IDS: variants seen among roughly 807,000 people sequenced by gnomAD.
IDS encodes alpha-L-iduronate sulfate sulfatase.
In IDS, 1 loss-of-function variant was observed where a neutral mutation model predicts 33.5. The observed-to-expected ratio is 0.03, with a 90% CI of 0.01 to 0.14. The LOEUF is 0.14. Ranked by LOEUF, IDS falls within the 10% of genes least tolerant of loss-of-function variation. The pLI, the probability that IDS is intolerant of heterozygous loss-of-function variation, is 1.00. For synonymous variants in IDS, 191 were observed against 184.4 expected (o/e 1.04, Z -0.29); for missense variants, 328 against 448.0 (o/e 0.73, Z 2.42).
chrX:149,498,021 AGCC>A (rs2089449396), intron 5 of IDS, 83 bp downstream of exon 5: 2 of 840,620 alleles, frequency 2.4e-6, no homozygotes, highest in Non-Finnish European at 3.5e-6. Context: ...GGCAGGATGT[AGCC>A]ACCTTCCCTG....
intron 6 of IDS, among the ~76,000 whole-genome samples, chrX:149,492,586 A>G (rs1430078165): frequency 1.8e-5 from 2 of 110,109 alleles, no homozygotes; most frequent in Non-Finnish European, 3.8e-5. Flanking sequence ...GGGAGTGGAG[A>G]CTCCAAGTTC....
chrX:149,504,966 GA>G, intron 1 of IDS, 68 bp downstream of exon 1: 1 of 800,726 alleles, frequency 1.2e-6, no homozygotes, highest in South Asian at 2.2e-5. Context: ...AAGAAGGAAG[GA>G]AAGAAGGAAG....
At chrX:149,484,407 C>T (rs782020310) in intron 8 of IDS, among the ~76,000 whole-genome samples, 17 of 112,519 alleles carry the variant, frequency 1.5e-4, no homozygotes, top group African/African-American at 4.2e-4. Context: ...CTGCAACCTC[C>T]GTCTCCCAGG....
intron 6 of IDS, among the ~76,000 whole-genome samples, chrX:149,493,478 C>G (rs147452230): frequency 0.013 from 1,483 of 111,838 alleles, 32 homozygotes; most frequent in African/African-American, 0.045. Context: ...CCAGTGTGCA[C>G]TCGCTCTGCC....
chrX:149,497,509 C>T (rs994190783), intron 5 of IDS, among the ~76,000 whole-genome samples: 9 of 112,386 alleles, frequency 8.0e-5, no homozygotes, highest in African/African-American at 2.9e-4. Flanking sequence ...TCTCTACTCT[C>T]ATTACATGTG....
At chrX:149,483,782 T>C (rs973267410) in intron 8 of IDS, among the ~76,000 whole-genome samples, 1 of 112,262 alleles carries the variant, frequency 8.9e-6, no homozygotes, top group Non-Finnish European at 1.9e-5. Flanking sequence ...CAACTGAAAC[T>C]CTGTCCCCAT....
intron 5 of IDS, among the ~76,000 whole-genome samples, chrX:149,496,898 T>G (rs943097816): frequency 8.9e-5 from 10 of 112,134 alleles, no homozygotes; most frequent in Non-Finnish European, 1.9e-5. Context: ...ATTCAGCATT[T>G]AGTCTCACTC....
At position 149,478,371 on chromosome X, in the gene IDS, TG is replaced by T. The variant is rs2089277424; in HGVS notation, c.*4374del. On this transcript the variant is annotated 3_prime_UTR_variant, in exon 9 of 9. Coordinates refer to ENST00000340855, the MANE Select transcript of IDS (RefSeq NM_000202.8). Reference sequence around the variant, plus strand: ...AGGTAGAAATGACCCAAGTGGTCACTGGTGGATGAATGGATAAGCGGAACGT... The same window carrying T: ...AGGTAGAAATGACCCAAGTGGTCACTGTGGATGAATGGATAAGCGGAACGT... 1 of 112,088 alleles carries T rather than the reference TG, an allele frequency of 8.9e-6. No homozygotes were observed. The highest frequency in any genetic ancestry group is 9.4e-5 in the Admixed American group (1 of 10,669). 9.2% of individuals were successfully genotyped at this position (112,088 alleles called of 1,213,427 possible).
chrX:149,488,645 G>A (rs2089361979), intron 7 of IDS, among the ~76,000 whole-genome samples: 1 of 108,989 alleles, frequency 9.2e-6, no homozygotes, highest in Non-Finnish European at 1.9e-5. Context: ...TCTGACACAT[G>A]GCAAATGCTA....
chrX:149,496,363 T>C lies in IDS; in HGVS notation c.862A>G (p.Ile288Val). The C allele has an allele frequency of 8.3e-7, 1 of 1,210,938 alleles. No homozygotes were observed. The highest frequency in any genetic ancestry group is 1.8e-5 in the South Asian group (1 of 56,945). The change falls in exon 6 of 9, where the codon ATT becomes GTT. Residue 288 changes from isoleucine to valine, a missense_variant. Transcript: ENST00000340855. ...CTTGATACCTGAAAGTCCACAGGAA[T>C]TGGACCATACGGCACACTGATGTTT... is the stretch of plus-strand genomic sequence containing the variant. ...ALNISVPYGP[I>V]PVDFQRKIRQ...
rs1557338716 is a variant in IDS at position 149,491,498 on chromosome X, T to C, written c.880-1058A>G. On this transcript the variant is annotated intron_variant, in intron 6 of 8. Transcript: ENST00000340855. ...CTTATCAGCTGGACCCACCAGCTTCTTCTCATCACTGCCAGGGTGAGGACA... is the reference window on the plus strand; with the variant it reads ...CTTATCAGCTGGACCCACCAGCTTCCTCTCATCACTGCCAGGGTGAGGACA... 3.2e-6 allele frequency: 3 copies of C among 930,997 alleles called. No homozygotes were observed. The African/African-American group carries it at 6.1e-5, about 19-fold the overall frequency. 76.7% of individuals were successfully genotyped at this position (930,997 alleles called of 1,213,427 possible). A position where few individuals can be genotyped will look rare whatever the true frequency, so the allele number is the denominator to read the frequency against.
chrX:149,479,579 A>T lies in IDS; in HGVS notation c.*3167T>A, dbSNP rs1176802656. The stretch of plus-strand genomic sequence containing the variant: ...ATCACAGCATTATTTACAATACTGA[A>T]AATCTGGAAATAGCCTAAATTTCTA... On this transcript the variant is annotated 3_prime_UTR_variant, in exon 9 of 9. Transcript: ENST00000340855. 2 of 112,225 alleles carry T rather than the reference A, an allele frequency of 1.8e-5. No individual in the cohort carries two copies. The highest frequency in any genetic ancestry group is 3.8e-5 in the Non-Finnish European group (2 of 53,270). 9.2% of individuals were successfully genotyped at this position (112,225 alleles called of 1,213,427 possible).
In IDS at chrX:149,483,155, C is replaced by T; in HGVS notation, c.1244G>A (p.Gly415Glu). The T allele has an allele frequency of 8.3e-7, 1 of 1,211,235 alleles. No individual in the cohort carries two copies. Among genetic ancestry groups the T allele is most frequent in the Non-Finnish European group, 1.1e-6 (1 of 895,327 alleles). ...SLFPTLAGLAGLQVPPRCPVP... is the reference protein window; with the variant it reads ...SLFPTLAGLAELQVPPRCPVP... ...GGGGCAGCGAGGTGGAACCTGCAGT[C>T]CTGCAAGTCCAGCCAGCGTGGGAAA... Residue 415 changes from glycine to glutamate, a missense_variant, in exon 9 of 9, where the codon GGA (glycine) becomes GAA (glutamate). This residue lies in a region of IDS where 265 missense variants were observed against 339.2 expected (regional missense o/e 0.78). Coordinates refer to ENST00000340855, the MANE Select transcript of IDS (RefSeq NM_000202.8).
At position 149,496,415 on chromosome X, in the gene IDS, G is replaced by A. The variant is rs2089436763; in HGVS notation, c.810C>T (p.Ile270=). The change falls in exon 6 of 9, where the codon ATC becomes ATT. Residue 270 remains isoleucine, a synonymous_variant. Coordinates refer to ENST00000340855, the MANE Select transcript of IDS (RefSeq NM_000202.8). The part of the protein sequence containing the change: ...PPVAYNPWMD[I]RQREDVQALN... ...AGGCTTGGACGTCTTCCCGTTGCCT[G>A]ATGTCCATCCAGGGGTTGTAGGCCA... 1.7e-6 allele frequency: 2 copies of A among 1,209,161 alleles called. No individual in the cohort carries two copies. Among genetic ancestry groups the A allele is most frequent in the Non-Finnish European group, 2.2e-6 (2 of 894,354 alleles).
In IDS at chrX:149,479,901, G is replaced by A. The variant is rs782212399; in HGVS notation, c.*2845C>T. 16 of 188,492 alleles carry A rather than the reference G, an allele frequency of 8.5e-5. No individual in the cohort carries two copies. The highest frequency in any genetic ancestry group is 6.1e-4 in the South Asian group (2 of 3,284). The allele number at this position is 188,492 out of a possible 1,213,427, so 15.5% of individuals were successfully genotyped here. The stretch of plus-strand genomic sequence containing the variant: ...AAAAAATACCTTTTTAAAGTAAAGC[G>A]AACACAAGATTCTTTAGCAATGTTC... On this transcript the variant is annotated 3_prime_UTR_variant, in exon 9 of 9. Coordinates refer to ENST00000340855, the MANE Select transcript of IDS (RefSeq NM_000202.8).
intron 8 of IDS, among the ~76,000 whole-genome samples, chrX:149,485,665 G>A (rs1255107154): frequency 9.0e-6 from 1 of 111,721 alleles, no homozygotes; most frequent in Non-Finnish European, 1.9e-5. Flanking sequence ...GATAAAATTT[G>A]GAAATAAACT....
chrX:149,493,392 T>C (rs782716217), intron 6 of IDS, among the ~76,000 whole-genome samples: 17 of 111,806 alleles, frequency 1.5e-4, no homozygotes, highest in Non-Finnish European at 2.8e-4. Flanking sequence ...GTTTAGTGGA[T>C]TGGGGAGGTG....
At position 149,482,299 on chromosome X, in the gene IDS, T is replaced by C. The variant is rs2089299732; in HGVS notation, c.*447A>G. ...GGGCTCATAAGATATATTATTAAAT[T>C]ATAAACAAAATAATCAGGAACTTAG... On this transcript the variant is annotated 3_prime_UTR_variant, in exon 9 of 9. Transcript: ENST00000340855. The C allele has an allele frequency of 7.8e-6, 1 of 128,554 alleles. No homozygotes were observed. The highest frequency in any genetic ancestry group is 3.2e-5 in the African/African-American group (1 of 30,916). 10.6% of individuals were successfully genotyped at this position (128,554 alleles called of 1,213,427 possible). A position where few individuals can be genotyped will look rare whatever the true frequency, so the allele number is the denominator to read the frequency against.
rs1002488876 is a variant in IDS at position 149,477,798 on chromosome X, G to A, written c.*4948C>T. The A allele has an allele frequency of 1.8e-5, 2 of 112,347 alleles. No homozygotes were observed. The highest frequency in any genetic ancestry group is 9.3e-5 in the Admixed American group (1 of 10,697). The allele number at this position is 112,347 out of a possible 1,213,427, so 9.3% of individuals were successfully genotyped here. A position where few individuals can be genotyped will look rare whatever the true frequency, so the allele number is the denominator to read the frequency against. ...GGGCTCTTGGCCATTATGGCCAAAC[G>A]ATTGGTGATGTGAAGGCAACAACTG... On this transcript the variant is annotated 3_prime_UTR_variant, in exon 9 of 9. Transcript: ENST00000340855.
Sources: allele counts gnomAD v4.1 joint callset (sites outside exome capture counted in the v4.1 genomes callset), GRCh38; gene constraint gnomAD v4.1.1; regional missense constraint gnomAD v4.1.1; transcripts MANE v1.5; gene names NCBI Gene and HGNC (gene_info 2026-07-23, HGNC 2026-07-21).